Variants in GRM3 observed in about 807,000 individuals in gnomAD.
GRM3 encodes the protein glutamate metabotropic receptor 3.
A neutral mutation model predicts 70.5 loss-of-function variants in GRM3; 26 were observed. The ratio of observed to expected loss-of-function variants is 0.37; its 90% CI spans 0.27 to 0.51. GRM3 has a LOEUF of 0.51. Among genes scored for constraint, GRM3 ranks in the 20% least tolerant of loss-of-function variants. The pLI, the probability that GRM3 is intolerant of heterozygous loss-of-function variation, is 0.93. For synonymous variants in GRM3, 443 were observed against 434.9 expected, an observed-to-expected ratio of 1.02 and a Z score of -0.23; for missense variants, 859 against 1,123.8, an observed-to-expected ratio of 0.76 and a Z score of 3.37.
chr7:86,691,009 G>T (rs181302758), intron 1 of GRM3, among the ~76,000 whole-genome samples: 18 of 152,116 alleles, frequency 1.2e-4, no homozygotes, highest in African/African-American at 4.3e-4. Context: ...AGCCAAAACA[G>T]ATCTTTTAAG....
chr7:86,763,360 A>G (rs1796526805), intron 1 of GRM3, among the ~76,000 whole-genome samples: 1 of 152,118 alleles, frequency 6.6e-6, no homozygotes, highest in Non-Finnish European at 1.5e-5. Context: ...GACTCTGAAA[A>G]TAATACGTTC....
intron 1 of GRM3, among the ~76,000 whole-genome samples, chr7:86,649,759 AAG>A (rs1416153180): frequency 6.6e-6 from 1 of 152,146 alleles, no homozygotes; most frequent in Non-Finnish European, 1.5e-5. Flanking sequence ...TCCTCTAAGA[AAG>A]AGTCTATCAT....
intron 2 of GRM3, among the ~76,000 whole-genome samples, chr7:86,766,192 A>G (rs1341910791): frequency 1.3e-5 from 2 of 152,136 alleles, no homozygotes; most frequent in Non-Finnish European, 2.9e-5. Flanking sequence ...ACAGACTATC[A>G]AGGTAAGATG....
At chr7:86,714,964 C>T (rs981233235) in intron 1 of GRM3, among the ~76,000 whole-genome samples, 1 of 151,882 alleles carries the variant, frequency 6.6e-6, no homozygotes, top group African/African-American at 2.4e-5. Context: ...CAAAACAACT[C>T]TTGAATAAAA....
At chr7:86,766,759 AC>A (rs1174478282) in intron 2 of GRM3, among the ~76,000 whole-genome samples, 1 of 152,192 alleles carries the variant, frequency 6.6e-6, no homozygotes, top group Non-Finnish European at 1.5e-5. Context: ...TAAGAGTCAT[AC>A]ACTTTGCCTC....
At chr7:86,778,172 A>G (rs1215607803) in intron 2 of GRM3, among the ~76,000 whole-genome samples, 1 of 152,182 alleles carries the variant, frequency 6.6e-6, no homozygotes, top group Non-Finnish European at 1.5e-5. Flanking sequence ...GGCAGTAGCA[A>G]TGGTTTATTT....
intron 5 of GRM3, among the ~76,000 whole-genome samples, chr7:86,857,741 C>T (rs1798876744): frequency 6.6e-6 from 1 of 152,036 alleles, no homozygotes; most frequent in African/African-American, 2.4e-5. Context: ...AGTTTCTGAT[C>T]CTTGTCTGAA....
chr7:86,644,773 A>G lies in GRM3; in HGVS notation c.-240A>G, dbSNP rs535471113. 8.5e-6 allele frequency: 11 copies of G among 1,288,054 alleles called. No individual in the cohort carries two copies. The South Asian group carries it at 1.2e-4, about 14-fold the overall frequency. 79.8% of individuals were successfully genotyped at this position (1,288,054 alleles called of 1,614,324 possible). A position where few individuals can be genotyped will look rare whatever the true frequency, so the allele number is the denominator to read the frequency against. The stretch of plus-strand genomic sequence containing the variant: ...CAGTAAGCTACCTCTTTTGTGTCGG[A>G]TGAGGAGGACCAACCATGAGCCAGA... On this transcript the variant is annotated 5_prime_UTR_variant, in exon 1 of 6. It removes an upstream start codon present in the reference 5' UTR. Coordinates refer to ENST00000361669, the MANE Select transcript of GRM3 (RefSeq NM_000840.3).
intron 5 of GRM3, among the ~76,000 whole-genome samples, chr7:86,856,442 T>A (rs1798847551): frequency 7.5e-6 from 1 of 132,772 alleles, no homozygotes; most frequent in South Asian, 2.5e-4. Context: ...CAAGACTCCA[T>A]CGCCCTCTGC....
chr7:86,749,744 A>G (rs886875431), intron 1 of GRM3, among the ~76,000 whole-genome samples: 3 of 152,098 alleles, frequency 2.0e-5, no homozygotes, highest in Non-Finnish European at 4.4e-5. Flanking sequence ...GTTCTAGGAA[A>G]GAGAAGCACC....
chr7:86,774,099 T>C, intron 2 of GRM3, among the ~76,000 whole-genome samples: 1 of 152,168 alleles, frequency 6.6e-6, no homozygotes, highest in East Asian at 1.9e-4. Context: ...ACACTTCTGA[T>C]TAAACCTATG....
intron 1 of GRM3, among the ~76,000 whole-genome samples, chr7:86,731,647 ATC>A (rs1367338807): frequency 1.1e-4 from 17 of 152,148 alleles, no homozygotes; most frequent in Non-Finnish European, 2.9e-5. Flanking sequence ...GGCTATACCT[ATC>A]TCCTAGGATT....
At chr7:86,846,667 C>A (rs6947236) in intron 4 of GRM3, among the ~76,000 whole-genome samples, 1,776 of 152,292 alleles carry the variant, frequency 0.012, 32 homozygotes, top group African/African-American at 0.04. Flanking sequence ...CCTCAAACTT[C>A]GACCACATCT....
intron 1 of GRM3, among the ~76,000 whole-genome samples, chr7:86,756,322 AC>A (rs769308048): frequency 3.4e-4 from 52 of 151,978 alleles, no homozygotes; most frequent in Non-Finnish European, 6.0e-4. Context: ...CAAGTGATCC[AC>A]CCACCTTGGC....
At chr7:86,737,662 A>G (rs963211382) in intron 1 of GRM3, among the ~76,000 whole-genome samples, 5 of 152,218 alleles carry the variant, frequency 3.3e-5, no homozygotes, top group African/African-American at 9.6e-5. Context: ...TCTGAAAAAA[A>G]TTATTGTTTG....
At chr7:86,648,190 T>A (rs1793524266) in intron 1 of GRM3, among the ~76,000 whole-genome samples, 1 of 124,384 alleles carries the variant, frequency 8.0e-6, no homozygotes, top group Non-Finnish European at 1.8e-5. Context: ...TATATGTGTA[T>A]AACTATATGT....
chr7:86,717,680 A>G (rs1795351096), intron 1 of GRM3, among the ~76,000 whole-genome samples: 1 of 151,974 alleles, frequency 6.6e-6, no homozygotes, highest in South Asian at 2.1e-4. Flanking sequence ...AAGGCAAACC[A>G]CAGAAGTGGG....
chr7:86,838,017 T>C (rs963654169), intron 3 of GRM3, among the ~76,000 whole-genome samples: 1 of 152,062 alleles, frequency 6.6e-6, no homozygotes, highest in African/African-American at 2.4e-5. Context: ...AGAGGAAGCA[T>C]GTATGCTCAG....
chr7:86,749,492 G>T (rs1796180959), intron 1 of GRM3, among the ~76,000 whole-genome samples: 1 of 152,022 alleles, frequency 6.6e-6, no homozygotes, highest in African/African-American at 2.4e-5. Context: ...ACAAGTAAAA[G>T]AAACATCTGG....
Sources: allele counts gnomAD v4.1 joint callset (sites outside exome capture counted in the v4.1 genomes callset), GRCh38; gene constraint gnomAD v4.1.1; transcripts MANE v1.5; gene names NCBI Gene and HGNC (gene_info 2026-07-23, HGNC 2026-07-21).